Variants in SLC25A46 observed in about 807,000 individuals in gnomAD.
SLC25A46 encodes mitochondrial outer membrane protein SLC25A46.
In SLC25A46, 39 loss-of-function variants were observed where a neutral mutation model predicts 44.6. The ratio of observed to expected loss-of-function variants is 0.87; its 90% CI spans 0.68 to 1.14. The LOEUF (loss-of-function observed/expected upper bound fraction) is 1.14, where lower values mean the gene tolerates loss of function less well. Ranked by LOEUF, SLC25A46 falls within the 50% of genes most tolerant of loss-of-function variation. SLC25A46 has a pLI of 0.00. For missense variants in SLC25A46, 547 were observed against 522.7 expected, an observed-to-expected ratio of 1.05 and a Z score of -0.45; for synonymous variants, 202 against 185.8, an observed-to-expected ratio of 1.09 and a Z score of -0.71.
intron 4 of SLC25A46, among the ~76,000 whole-genome samples, 158 bp from the exon 5 acceptor site, chr5:110,748,005 C>A (rs989098374): frequency 1.3e-5 from 2 of 152,090 alleles, no homozygotes; most frequent in Non-Finnish European, 2.9e-5. Flanking sequence ...CTAAGTATAA[C>A]TTTAAAATGA....
intron 6 of SLC25A46, among the ~76,000 whole-genome samples, chr5:110,756,489 C>T (rs1580866940): frequency 6.6e-6 from 1 of 152,014 alleles, no homozygotes. Flanking sequence ...CTTGTTTTAT[C>T]ATTTGATTTT....
chr5:110,742,493 A>G (rs1199375840), intron 2 of SLC25A46, among the ~76,000 whole-genome samples: 1 of 152,142 alleles, frequency 6.6e-6, no homozygotes, highest in African/African-American at 2.4e-5. Context: ...GAAAAATTAC[A>G]TGGCATTTAA....
intron 5 of SLC25A46, chr5:110,753,558 T>C (rs764055569): frequency 9.9e-5 from 15 of 152,088 alleles, no homozygotes; most frequent in Non-Finnish European, 1.6e-4. Context: ...TTTACATGTT[T>C]GGTATTTGAT....
upstream of SLC25A46, chr5:110,738,901 T>G: frequency 1.6e-6 from 2 of 1,260,124 alleles, no homozygotes; most frequent in Non-Finnish European, 2.1e-6. Flanking sequence ...AAGGTCCAGG[T>G]TACCGCCGCG....
chr5:110,759,996 A>C (rs148242019), intron 7 of SLC25A46, among the ~76,000 whole-genome samples: 191 of 152,302 alleles, frequency 1.3e-3, no homozygotes, highest in African/African-American at 4.3e-3. Context: ...GAGACATCGT[A>C]AGTTGGAAAC....
chr5:110,751,172 T>A (rs540111021), intron 5 of SLC25A46, among the ~76,000 whole-genome samples: 1 of 152,272 alleles, frequency 6.6e-6, no homozygotes, highest in East Asian at 1.9e-4. Flanking sequence ...GGTTCTGTGC[T>A]AAAAACCGGG....
In SLC25A46 at chr5:110,761,302, TC is replaced by T; in HGVS notation, c.779del (p.Pro260ArgfsTer5). ...GAGTGCCTCATAGCAAACGACTTCT[TC>T]CGCTTCTTTCCTTGATCTTCCCTAC... ...MGVPHSKRLL[P>X]LLSLIFPTVL... is the part of the protein sequence containing the mutation. On this transcript the variant is annotated frameshift_variant, in exon 8 of 8. Coordinates refer to ENST00000355943, the MANE Select transcript of SLC25A46 (RefSeq NM_138773.4). LOFTEE classifies it high-confidence loss of function. This position sits in a 1 kb window ranked among gnomAD's most constrained non-coding sequence, Gnocchi z 5.3. 6.2e-7 allele frequency: 1 copy of T among 1,613,818 alleles called. No individual in the cohort carries two copies. Among genetic ancestry groups the T allele is most frequent in the Non-Finnish European group, 8.5e-7 (1 of 1,179,814 alleles).
At chr5:110,753,476 G>A (rs1047775389) in intron 5 of SLC25A46, 3 of 151,876 alleles carry the variant, frequency 2.0e-5, no homozygotes, top group Non-Finnish European at 2.9e-5. Flanking sequence ...CAAGGTACTC[G>A]AATAAATTTT....
rs1029730170 is a variant in SLC25A46, at chr5:110,764,144, G to T, written c.*2362G>T. The stretch of plus-strand genomic sequence containing the variant: ...AAAGATTCTATTAAATGTTCCACAG[G>T]CCCACTGGTCCTCTTATATAAGCCA... On this transcript the variant is annotated 3_prime_UTR_variant, in exon 8 of 8. Transcript: ENST00000355943. 10 of 151,718 alleles carry T rather than the reference G, an allele frequency of 6.6e-5. No individual in the cohort carries two copies. The highest frequency in any genetic ancestry group is 1.5e-4 in the Non-Finnish European group (10 of 67,824). 9.4% of individuals were successfully genotyped at this position (151,718 alleles called of 1,614,324 possible). A position where few individuals can be genotyped will look rare whatever the true frequency, so the allele number is the denominator to read the frequency against.
intron 7 of SLC25A46, chr5:110,756,968 G>C (rs574158489): frequency 5.3e-6 from 2 of 377,376 alleles, no homozygotes; most frequent in Admixed American, 4.5e-5. Flanking sequence ...AATTATTTTT[G>C]TCCTTTCCAT....
upstream of SLC25A46, chr5:110,738,232 G>C (rs1166769840): frequency 1.1e-5 from 14 of 1,287,266 alleles, no homozygotes; most frequent in Non-Finnish European, 1.4e-5. Flanking sequence ...AGAGCCCGTG[G>C]AGCTAATGAA....
chr5:110,760,240 A>T (rs565693922), intron 7 of SLC25A46, among the ~76,000 whole-genome samples: 1 of 152,172 alleles, frequency 6.6e-6, no homozygotes, highest in South Asian at 2.1e-4. Context: ...ATTCCCATAG[A>T]CTTTGATTTT....
chr5:110,761,203 G>A lies in SLC25A46; in HGVS notation c.679-1G>A, dbSNP rs1800238919. The A allele has an allele frequency of 6.3e-7, 1 of 1,582,020 alleles. No homozygotes were observed. Among genetic ancestry groups the A allele is most frequent in the Non-Finnish European group, 8.6e-7 (1 of 1,165,686 alleles). On this transcript the variant is annotated splice_acceptor_variant, in intron 7 of 7. Transcript: ENST00000355943. LOFTEE classifies it high-confidence loss of function. The surrounding 1 kb of genome is among the most constrained non-coding windows in gnomAD (Gnocchi z 5.3). ...TACTTATTTCATCATTTTTATTTCA[G>A]AGTGAGATAATTCGAGATAATACTG...
chr5:110,756,114 AGGGTTAG>A (rs1460362431), intron 6 of SLC25A46: 1 of 152,242 alleles, frequency 6.6e-6, no homozygotes, highest in Non-Finnish European at 1.5e-5. Context: ...CTGGCCCATA[AGGGTTAG>A]GTAAGTCCCA....
intron 4 of SLC25A46, among the ~76,000 whole-genome samples, chr5:110,746,809 G>A (rs1799831099): frequency 6.6e-6 from 1 of 152,112 alleles, no homozygotes; most frequent in South Asian, 2.1e-4. Flanking sequence ...ATAGAGAAAA[G>A]GTTTTTAAAG....
rs1189903588 is a variant in SLC25A46 at position 110,764,392 on chromosome 5, A to G, written c.*2610A>G. 6.6e-6 allele frequency: 1 copy of G among 151,930 alleles called. No homozygotes were observed. Among genetic ancestry groups the G allele is most frequent in the Non-Finnish European group, 1.5e-5 (1 of 67,890 alleles). 9.4% of individuals were successfully genotyped at this position (151,930 alleles called of 1,614,324 possible). ...AAAAATTATCTGGGTTAATAAGGTT[A>G]TCTATTAAAGCCCCCAGAATCTCAG... On this transcript the variant is annotated 3_prime_UTR_variant, in exon 8 of 8. Transcript: ENST00000355943.
intron 7 of SLC25A46, among the ~76,000 whole-genome samples, chr5:110,759,817 G>A (rs917723320): frequency 1.3e-5 from 2 of 151,926 alleles, no homozygotes; most frequent in African/African-American, 4.8e-5. Flanking sequence ...AGGATGTCAG[G>A]GTCAGAAGTA....
At chr5:110,758,428 A>T (rs186069076) in intron 7 of SLC25A46, among the ~76,000 whole-genome samples, 1 of 152,270 alleles carries the variant, frequency 6.6e-6, no homozygotes, top group African/African-American at 2.4e-5. Flanking sequence ...CACACTAAAG[A>T]TTCAAAACTT....
chr5:110,764,845 C>T lies in SLC25A46; in HGVS notation c.*3063C>T, dbSNP rs2150421596. On this transcript the variant is annotated 3_prime_UTR_variant, in exon 8 of 8. Transcript: ENST00000355943. ...AATAAGATCTCTTGGTAACAATTGA[C>T]ATTGCACTAGAATTTGAATGATACT... The T allele has an allele frequency of 6.6e-6, 1 of 152,072 alleles. No homozygotes were observed. The highest frequency in any genetic ancestry group is 1.9e-4 in the East Asian group (1 of 5,152). The allele number at this position is 152,072 out of a possible 1,614,324, so 9.4% of individuals were successfully genotyped here. A position where few individuals can be genotyped will look rare whatever the true frequency, so the allele number is the denominator to read the frequency against.
Sources: allele counts gnomAD v4.1 joint callset (sites outside exome capture counted in the v4.1 genomes callset), GRCh38; gene constraint gnomAD v4.1.1; non-coding constraint Gnocchi (gnomAD v3.1); transcripts MANE v1.5; gene names NCBI Gene and HGNC (gene_info 2026-07-23, HGNC 2026-07-21).